The following BMAL1 variants were observed in gnomAD, a reference collection of about 807,000 sequenced individuals.
BMAL1 encodes the protein basic helix-loop-helix ARNT like 1, also known as basic helix-loop-helix ARNT-like protein 1.
the BMAL1 span, chr11:13,360,489 A>G: frequency 1.4e-6 from 2 of 1,464,194 alleles, no homozygotes; most frequent in East Asian, 4.6e-5. Context: ...AAGTACCAGC[A>G]TGTGGGAATT....
chr11:13,363,577 T>G, the BMAL1 span, among the ~76,000 whole-genome samples: 1 of 152,242 alleles, frequency 6.6e-6, no homozygotes, highest in Non-Finnish European at 1.5e-5. Flanking sequence ...GCTGGACTTC[T>G]GCTTTTCCTC....
the BMAL1 span, among the ~76,000 whole-genome samples, chr11:13,312,206 C>G: frequency 6.6e-6 from 1 of 152,094 alleles, no homozygotes; most frequent in East Asian, 1.9e-4. Context: ...TTGCAATGAC[C>G]TATGTGGGGG....
the BMAL1 span, among the ~76,000 whole-genome samples, chr11:13,294,831 C>T: frequency 3.9e-5 from 6 of 152,212 alleles, no homozygotes; most frequent in African/African-American, 1.4e-4. Flanking sequence ...CCTTGGCTCT[C>T]TCGGGCCCCT....
chr11:13,300,548 AG>A, the BMAL1 span, among the ~76,000 whole-genome samples: 4 of 152,188 alleles, frequency 2.6e-5, no homozygotes, highest in African/African-American at 9.7e-5. Context: ...CTGAGTGTGG[AG>A]GGGAGCCAAT....
the BMAL1 span, chr11:13,381,405 C>A: frequency 1.3e-6 from 1 of 744,290 alleles, no homozygotes; most frequent in Non-Finnish European, 2.2e-6. Context: ...AGGCTGGATA[C>A]AAAGCATACT....
the BMAL1 span, among the ~76,000 whole-genome samples, chr11:13,347,693 A>G: frequency 1.3e-5 from 2 of 151,828 alleles, no homozygotes; most frequent in Admixed American, 6.6e-5. Context: ...CAAAAAATAT[A>G]AAAACAAGCC....
chr11:13,305,500 T>G, the BMAL1 span, among the ~76,000 whole-genome samples: 26 of 152,362 alleles, frequency 1.7e-4, no homozygotes, highest in Non-Finnish European at 2.5e-4. Flanking sequence ...AATTTTTTTT[T>G]GTTTATTCCC....
the BMAL1 span, among the ~76,000 whole-genome samples, chr11:13,309,718 C>G: frequency 2.0e-5 from 3 of 152,144 alleles, no homozygotes; most frequent in Non-Finnish European, 4.4e-5. Context: ...GAGAAACCCC[C>G]TCTCCTTCCT....
the BMAL1 span, among the ~76,000 whole-genome samples, chr11:13,341,123 G>C: frequency 6.6e-6 from 1 of 152,104 alleles, no homozygotes; most frequent in African/African-American, 2.4e-5. Context: ...CTGGTACCTA[G>C]GGGAGAACCC....
At chr11:13,353,630 C>A in the BMAL1 span, 1 of 152,276 alleles carries the variant, frequency 6.6e-6, no homozygotes, top group Non-Finnish European at 1.5e-5. Context: ...CCAGCCTGGC[C>A]AACATGGTGA....
At chr11:13,284,230 GTGTGTATATATATATATATA>G in the BMAL1 span, among the ~76,000 whole-genome samples, 37 of 20,652 alleles carry the variant, frequency 1.8e-3, 6 homozygotes, top group African/African-American at 6.6e-3. Context: ...ATATATATGT[GTGTGTATATATATATATATA>G]TATATATATA....
At chr11:13,340,502 C>A in the BMAL1 span, among the ~76,000 whole-genome samples, 2 of 152,176 alleles carry the variant, frequency 1.3e-5, no homozygotes, top group African/African-American at 4.8e-5. Context: ...TAAAACAAAG[C>A]GGTTGGACTC....
chr11:13,361,034 G>A, the BMAL1 span, among the ~76,000 whole-genome samples: 2 of 152,166 alleles, frequency 1.3e-5, no homozygotes, highest in Non-Finnish European at 2.9e-5. Flanking sequence ...AACCTGGGAG[G>A]TGGAGGTTGC....
chr11:13,366,907 C>A, the BMAL1 span: 1 of 572,752 alleles, frequency 1.7e-6, no homozygotes. Context: ...TGTCCTCTTT[C>A]TGGGGCACCA....
the BMAL1 span, chr11:13,378,900 C>G: frequency 6.4e-6 from 1 of 156,982 alleles, no homozygotes; most frequent in African/African-American, 2.4e-5. Context: ...TTTTTTCAAT[C>G]AAAGAGCTGC....
At chr11:13,358,702 C>G in the BMAL1 span, 1 of 1,177,252 alleles carries the variant, frequency 8.5e-7, no homozygotes, top group Non-Finnish European at 1.1e-6. Context: ...AATTATGTAG[C>G]CTTCAGTAGT....
At chr11:13,381,294 T>C in the BMAL1 span, 2 of 1,595,964 alleles carry the variant, frequency 1.3e-6, no homozygotes, top group East Asian at 4.5e-5. Flanking sequence ...GAGAACCTCT[T>C]GCCCAAGATC....
the BMAL1 span, chr11:13,379,124 TTG>T: frequency 2.6e-5 from 4 of 152,028 alleles, no homozygotes; most frequent in African/African-American, 9.7e-5. Context: ...TTCCCAAGAA[TTG>T]TGTTAGGATT....
the BMAL1 span, among the ~76,000 whole-genome samples, chr11:13,361,679 G>GT: frequency 6.6e-6 from 1 of 152,212 alleles, no homozygotes; most frequent in Non-Finnish European, 1.5e-5. Flanking sequence ...AATAAATAGA[G>GT]TTTAATTTCT....
Sources: gnomAD v4.1 joint callset for allele counts (sites outside exome capture counted in the v4.1 genomes callset) on GRCh38, gnomAD v4.1.1 for gene constraint, MANE v1.5 for transcripts, NCBI Gene and HGNC (gene_info 2026-07-23, HGNC 2026-07-21) for gene names.